Variants in GRID2 observed in about 807,000 individuals in gnomAD.
The protein encoded by GRID2 is glutamate receptor ionotropic, delta-2.
In GRID2, 33 loss-of-function variants were observed where a neutral mutation model predicts 114.8. The observed-to-expected ratio is 0.29, with a 90% CI of 0.22 to 0.38. The LOEUF is 0.38. Among genes scored for constraint, GRID2 ranks in the 10% least tolerant of loss-of-function variants. The pLI is 1.00. For synonymous variants in GRID2, 505 were observed against 449.9 expected (o/e 1.12, Z -1.55); for missense variants, 1,184 against 1,257.7 (o/e 0.94, Z 0.89).
intron 1 of GRID2, among the ~76,000 whole-genome samples, chr4:92,458,263 T>C (rs2149085109): frequency 6.6e-6 from 1 of 152,332 alleles, no homozygotes; most frequent in Non-Finnish European, 1.5e-5. Context: ...AAAAAGAGAC[T>C]GTGAATCAGA....
chr4:92,715,672 AC>A (rs1423838809), intron 2 of GRID2, among the ~76,000 whole-genome samples: 2 of 152,102 alleles, frequency 1.3e-5, no homozygotes, highest in African/African-American at 2.4e-5. Flanking sequence ...CAGGGAAACT[AC>A]CCTTTTATAA....
chr4:92,479,793 C>T (rs1722492834), intron 1 of GRID2, among the ~76,000 whole-genome samples: 1 of 152,030 alleles, frequency 6.6e-6, no homozygotes, highest in South Asian at 2.1e-4. Context: ...CTTCTGTGGG[C>T]TTCAGTTAGC....
chr4:93,615,683 G>C (rs1741560140), intron 13 of GRID2, among the ~76,000 whole-genome samples: 1 of 149,104 alleles, frequency 6.7e-6, no homozygotes, highest in Non-Finnish European at 1.5e-5. Context: ...GTGTAACTTG[G>C]CTACCTTGTT....
At chr4:92,333,719 T>C (rs1351988337) in intron 1 of GRID2, among the ~76,000 whole-genome samples, 1 of 152,164 alleles carries the variant, frequency 6.6e-6, no homozygotes, top group African/African-American at 2.4e-5. Context: ...TCCCACCAGA[T>C]ACCCTTTTTA....
In GRID2 at chr4:93,281,509, G is replaced by A. The variant is rs190792442; in HGVS notation, c.1245+43019G>A. ...AACTTGTATTCTTTAGCAGAAACAAGGCTACAAAATGAATGGAAAAACTAG... is the reference window on the plus strand; with the variant it reads ...AACTTGTATTCTTTAGCAGAAACAAAGCTACAAAATGAATGGAAAAACTAG... On this transcript the variant is annotated intron_variant, in intron 8 of 15. Coordinates refer to ENST00000282020, the MANE Select transcript of GRID2 (RefSeq NM_001510.4). Among the ~76,000 whole-genome samples the A allele has an allele frequency of 2.0e-5, 3 of 152,032 alleles. No individual in the cohort carries two copies. In the East Asian group the frequency reaches 5.8e-4, roughly 30 times the overall value.
chr4:92,460,346 A>G (rs571571767), intron 1 of GRID2, among the ~76,000 whole-genome samples: 2 of 151,974 alleles, frequency 1.3e-5, no homozygotes, highest in African/African-American at 4.8e-5. Flanking sequence ...TTACAGAGGG[A>G]ATTCAGTGAA....
chr4:92,723,837 C>T (rs1243357976), intron 2 of GRID2, among the ~76,000 whole-genome samples: 1 of 152,152 alleles, frequency 6.6e-6, no homozygotes, highest in Non-Finnish European at 1.5e-5. Flanking sequence ...CACATTACAA[C>T]AAAGTCGGCT....
chr4:92,769,212 GC>G (rs542263795), intron 2 of GRID2, among the ~76,000 whole-genome samples: 1 of 152,118 alleles, frequency 6.6e-6, no homozygotes, highest in Non-Finnish European at 1.5e-5. Context: ...ACCCAGTGGG[GC>G]AATCCTAAAG....
intron 1 of GRID2, among the ~76,000 whole-genome samples, chr4:92,554,493 G>C (rs1015058451): frequency 1.5e-4 from 23 of 152,038 alleles, no homozygotes; most frequent in Admixed American, 6.6e-5. Flanking sequence ...ATTTCAGAAA[G>C]TTTATGTCAG....
chr4:92,945,875 G>T (rs574587661), intron 2 of GRID2, among the ~76,000 whole-genome samples: 1 of 152,122 alleles, frequency 6.6e-6, no homozygotes, highest in South Asian at 2.1e-4. Context: ...TTTTAGGAAA[G>T]ATCTATGCCC....
intron 2 of GRID2, among the ~76,000 whole-genome samples, chr4:93,019,628 G>T (rs1723090793): frequency 6.6e-6 from 1 of 152,114 alleles, no homozygotes; most frequent in Admixed American, 6.6e-5. Context: ...TCTTGAGGAG[G>T]CTCTCCTACC....
chr4:92,970,997 A>G (rs925192042), intron 2 of GRID2, among the ~76,000 whole-genome samples: 1 of 151,498 alleles, frequency 6.6e-6, no homozygotes, highest in African/African-American at 2.4e-5. Context: ...CTGTGTGTGT[A>G]TTGTTAAAGC....
chr4:92,754,831 G>A (rs2149341391), intron 2 of GRID2, among the ~76,000 whole-genome samples: 1 of 152,266 alleles, frequency 6.6e-6, no homozygotes, highest in South Asian at 2.1e-4. Flanking sequence ...TATTGGCTAT[G>A]ATTATTTTCC....
chr4:93,360,311 G>T (rs184675731), intron 8 of GRID2, among the ~76,000 whole-genome samples: 1 of 151,612 alleles, frequency 6.6e-6, no homozygotes, highest in East Asian at 1.9e-4. Flanking sequence ...TCTATCTTGC[G>T]AAATAATGTA....
At chr4:92,998,292 T>C (rs181010603) in intron 2 of GRID2, among the ~76,000 whole-genome samples, 1 of 152,226 alleles carries the variant, frequency 6.6e-6, no homozygotes, top group Admixed American at 6.5e-5. Context: ...ACAGTATTAT[T>C]TATTTATGTA....
chr4:92,624,577 T>G (rs11724402), intron 2 of GRID2, among the ~76,000 whole-genome samples: 30 of 151,926 alleles, frequency 2.0e-4, no homozygotes, highest in African/African-American at 6.7e-4. Flanking sequence ...GGTATAGATT[T>G]GCTATCAGGA....
chr4:93,216,769 TAAG>T lies in GRID2; in HGVS notation c.825_827del (p.Arg276del). The T allele has an allele frequency of 1.2e-6, 2 of 1,612,150 alleles. No individual in the cohort carries two copies. Among genetic ancestry groups the T allele is most frequent in the South Asian group, 1.1e-5 (1 of 91,034 alleles). On this transcript the variant is annotated inframe_deletion, in exon 6 of 16. Transcript: ENST00000282020. ...AACGATGTGGACGTACAGGAACTTG[TAAG>T]AAGGTCAATTGGAAGGTTAACGATT...
intron 1 of GRID2, among the ~76,000 whole-genome samples, chr4:92,459,456 A>G (rs960801710): frequency 6.6e-6 from 1 of 152,196 alleles, no homozygotes; most frequent in Non-Finnish European, 1.5e-5. Flanking sequence ...TAGTTGGACA[A>G]CTTTGGAGTG....
chr4:92,582,674 T>C (rs1728237079), intron 1 of GRID2, among the ~76,000 whole-genome samples: 1 of 151,944 alleles, frequency 6.6e-6, no homozygotes. Flanking sequence ...TTATAATTAT[T>C]ATGAAATGAT....
Sources: gnomAD v4.1 joint callset for allele counts (sites outside exome capture counted in the v4.1 genomes callset) on GRCh38, gnomAD v4.1.1 for gene constraint, MANE v1.5 for transcripts, NCBI Gene and HGNC (gene_info 2026-07-23, HGNC 2026-07-21) for gene names.